Variants in SESN3 observed in about 807,000 individuals in gnomAD.
SESN3 encodes sestrin 3, also known as sestrin-3.
A neutral mutation model predicts 55.3 loss-of-function variants in SESN3; 21 were observed. The observed-to-expected ratio is 0.38, with a 90% CI of 0.27 to 0.55. SESN3 has a LOEUF of 0.55. Among genes scored for constraint, SESN3 ranks in the 20% least tolerant of loss-of-function variants. SESN3 has a pLI of 0.76. For synonymous variants in SESN3, 181 were observed against 203.1 expected (o/e 0.89, Z 0.93); for missense variants, 408 against 604.3 (o/e 0.68, Z 3.41).
intron 1 of SESN3, among the ~76,000 whole-genome samples, chr11:95,210,892 C>G (rs1860642011): frequency 6.6e-6 from 1 of 152,042 alleles, no homozygotes; most frequent in Admixed American, 6.5e-5. Context: ...AAATAATACT[C>G]TATAAACATT....
upstream of SESN3, chr11:95,231,975 C>T (rs2134280467): frequency 6.6e-6 from 1 of 152,268 alleles, no homozygotes; most frequent in East Asian, 1.9e-4. Flanking sequence ...CACCTTCTAG[C>T]AGTTATCTTA....
chr11:95,197,999 T>C (rs1181655931), intron 1 of SESN3, among the ~76,000 whole-genome samples: 2 of 152,170 alleles, frequency 1.3e-5, no homozygotes, highest in Non-Finnish European at 2.9e-5. Context: ...CTCCTCACTT[T>C]CCTCTGTAGG....
intron 1 of SESN3, among the ~76,000 whole-genome samples, chr11:95,209,404 G>A (rs980850955): frequency 7.9e-5 from 12 of 151,464 alleles, no homozygotes; most frequent in Non-Finnish European, 1.5e-4. Flanking sequence ...AACAACAGAT[G>A]CTGGAAAGGA....
At chr11:95,206,261 A>G (rs1454142453) in intron 1 of SESN3, among the ~76,000 whole-genome samples, 1 of 151,988 alleles carries the variant, frequency 6.6e-6, no homozygotes, top group Non-Finnish European at 1.5e-5. Context: ...CTATTTCTAT[A>G]TATTACTCAG....
In SESN3 at chr11:95,172,940, A is replaced by G. The variant is rs1859878602; in HGVS notation, c.*315T>C. The G allele has an allele frequency of 4.0e-6, 1 of 250,552 alleles. No homozygotes were observed. The highest frequency in any genetic ancestry group is 7.7e-6 in the Non-Finnish European group (1 of 130,266). 15.5% of individuals were successfully genotyped at this position (250,552 alleles called of 1,614,324 possible). A position where few individuals can be genotyped will look rare whatever the true frequency, so the allele number is the denominator to read the frequency against. On this transcript the variant is annotated 3_prime_UTR_variant, in exon 10 of 10. Coordinates refer to ENST00000536441, the MANE Select transcript of SESN3 (RefSeq NM_144665.4). ...GGGAGAAAAAATACACATACACACAACCCAAAGGCGCTGAAGTTAAGCATT... is the reference window on the plus strand; with the variant it reads ...GGGAGAAAAAATACACATACACACAGCCCAAAGGCGCTGAAGTTAAGCATT...
In SESN3 at chr11:95,189,894, C is replaced by A; in HGVS notation, c.410G>T (p.Gly137Val). 6.2e-7 allele frequency: 1 copy of A among 1,611,264 alleles called. No individual in the cohort carries two copies. The highest frequency in any genetic ancestry group is 8.5e-7 in the Non-Finnish European group (1 of 1,178,316). The stretch of plus-strand genomic sequence containing the variant: ...CAAACCATTCAACCACTCAGCAATA[C>A]CTCCAGTCTTTAAAAATTCATCCAC... The part of the protein sequence containing the change: ...MHVDEFLKTG[G>V]IAEWLNGLEY... Residue 137 changes from glycine to valine, a missense_variant, in exon 4 of 10, where the codon GGT becomes GTT. This residue lies in a region of SESN3 where 107 missense variants were observed against 211.3 expected (regional missense o/e 0.51). Transcript: ENST00000536441.
At position 95,170,481 on chromosome 11, in the gene SESN3, G is replaced by T. The variant is rs1003301367; in HGVS notation, c.*2774C>A. 6.6e-6 allele frequency: 1 copy of T among 152,150 alleles called. No individual in the cohort carries two copies. The highest frequency in any genetic ancestry group is 2.4e-5 in the African/African-American group (1 of 41,422). 9.4% of individuals were successfully genotyped at this position (152,150 alleles called of 1,614,324 possible). The stretch of plus-strand genomic sequence containing the variant: ...TGGCACAATGTGAGCGCAAGGTGTA[G>T]ATCAGCATATTGCATAATCACGTCA... On this transcript the variant is annotated 3_prime_UTR_variant, in exon 10 of 10. Coordinates refer to ENST00000536441, the MANE Select transcript of SESN3 (RefSeq NM_144665.4).
At position 95,230,739 on chromosome 11, in the gene SESN3, C is replaced by A; in HGVS notation, c.78+44G>T. 1 of 1,515,434 alleles carries A rather than the reference C, an allele frequency of 6.6e-7. No homozygotes were observed. The highest frequency in any genetic ancestry group is 1.7e-5 in the Admixed American group (1 of 57,734). 93.9% of individuals were successfully genotyped at this position (1,515,434 alleles called of 1,614,324 possible). On this transcript the variant is annotated intron_variant, in intron 1 of 9. Transcript: ENST00000536441. This position sits in a 1 kb window ranked among gnomAD's most constrained non-coding sequence, Gnocchi z 4.6. ...GACGAGCCGCCCGAGCCCCGGCCGG[C>A]AGGAAGCGACCCTCGCCGGCAGGAC...
chr11:95,184,350 T>G, intron 6 of SESN3, 70 bp downstream of exon 6: 1 of 1,277,424 alleles, frequency 7.8e-7, no homozygotes, highest in Non-Finnish European at 1.1e-6. Flanking sequence ...CATATCCACA[T>G]GGAAAACACT....
chr11:95,211,567 A>T (rs946186940), intron 1 of SESN3, among the ~76,000 whole-genome samples: 3 of 152,164 alleles, frequency 2.0e-5, no homozygotes, highest in African/African-American at 7.2e-5. Flanking sequence ...GGAGTTTGAG[A>T]CCAGCCTGGC....
At chr11:95,231,369 C>A (rs1352134148), upstream of SESN3, 5 of 379,828 alleles carry the variant, frequency 1.3e-5, no homozygotes, top group Non-Finnish European at 2.3e-5. Context: ...GCCGAGGAAG[C>A]CTTGAATCTC....
chr11:95,202,495 GTATC>G (rs1860477163), intron 1 of SESN3, among the ~76,000 whole-genome samples: 1 of 152,008 alleles, frequency 6.6e-6, no homozygotes, highest in Non-Finnish European at 1.5e-5. Flanking sequence ...AAAACAAACA[GTATC>G]TATAATTTCC....
chr11:95,198,942 T>C (rs189625836), intron 1 of SESN3, among the ~76,000 whole-genome samples: 171 of 152,248 alleles, frequency 1.1e-3, no homozygotes, highest in Admixed American at 2.0e-3. Flanking sequence ...AGTACTTTCA[T>C]AGAAATAAAA....
intron 9 of SESN3, 88 bp from the exon 10 acceptor site, chr11:95,173,429 T>C: frequency 8.9e-6 from 6 of 675,180 alleles, no homozygotes; most frequent in Non-Finnish European, 1.6e-5. Context: ...TTTATGTGTA[T>C]ATAAGCAATA....
chr11:95,179,218 G>A (rs1053130200), intron 6 of SESN3, among the ~76,000 whole-genome samples: 1 of 151,580 alleles, frequency 6.6e-6, no homozygotes. Context: ...GCAGTGGCGC[G>A]ATCTTAGCTC....
intron 1 of SESN3, among the ~76,000 whole-genome samples, chr11:95,196,155 ATTC>A (rs1274334039): frequency 1.3e-5 from 2 of 152,174 alleles, no homozygotes; most frequent in African/African-American, 2.4e-5. Context: ...AACATCATGT[ATTC>A]TTCTTCAATT....
intron 1 of SESN3, among the ~76,000 whole-genome samples, chr11:95,221,320 T>C (rs1860855509): frequency 2.0e-5 from 3 of 151,050 alleles, no homozygotes; most frequent in Non-Finnish European, 4.4e-5. Context: ...GAAGTAAGAG[T>C]CACAGTTTCA....
chr11:95,178,789 CGA>C lies in SESN3; in HGVS notation c.975_976del (p.Arg326IlefsTer3). ...CCCAAAACCAGGGTCTTCAATATAT[CGA>C]GAGACATCAGATGTTATAATCATGT... On this transcript the variant is annotated frameshift_variant, in exon 7 of 10. Transcript: ENST00000536441. LOFTEE classifies it high-confidence loss of function. 1 of 1,610,798 alleles carries C rather than the reference CGA, an allele frequency of 6.2e-7. No individual in the cohort carries two copies. The highest frequency in any genetic ancestry group is 8.5e-7 in the Non-Finnish European group (1 of 1,177,184).
chr11:95,202,947 A>G (rs1252014252), intron 1 of SESN3, among the ~76,000 whole-genome samples: 1 of 152,150 alleles, frequency 6.6e-6, no homozygotes, highest in Non-Finnish European at 1.5e-5. Flanking sequence ...ATGAAAAGAA[A>G]CTAAAATTGG....
Sources: allele counts gnomAD v4.1 joint callset (sites outside exome capture counted in the v4.1 genomes callset), GRCh38; gene constraint gnomAD v4.1.1; regional missense constraint gnomAD v4.1.1; non-coding constraint Gnocchi (gnomAD v3.1); transcripts MANE v1.5; gene names NCBI Gene and HGNC (gene_info 2026-07-23, HGNC 2026-07-21).